MTHFD2L: variants seen among roughly 807,000 people sequenced by gnomAD.
MTHFD2L encodes methylenetetrahydrofolate dehydrogenase (NADP+ dependent) 2 like.
MTHFD2L carries 29 observed loss-of-function variants against 34.9 expected under a neutral mutation model. The ratio of observed to expected loss-of-function variants is 0.83; its 90% CI spans 0.62 to 1.13. The LOEUF is 1.13. Among genes scored for constraint, MTHFD2L ranks in the 50% most tolerant of loss-of-function variants. The probability of loss-of-function intolerance (pLI) is 0.00; values close to 1 mark genes in which losing one functional copy is unlikely to be tolerated. For synonymous variants in MTHFD2L, 167 were observed against 155.7 expected, an observed-to-expected ratio of 1.07 and a Z score of -0.54; for missense variants, 481 against 446.5, an observed-to-expected ratio of 1.08 and a Z score of -0.70.
At chr4:74,197,689 C>CT (rs1333928314) in intron 3 of MTHFD2L, among the ~76,000 whole-genome samples, 4 of 152,282 alleles carry the variant, frequency 2.6e-5, no homozygotes, top group East Asian at 1.9e-4. Context: ...GAGATTGACT[C>CT]TAACTCCTTG....
chr4:74,263,269 C>T (rs1578653692), intron 6 of MTHFD2L, among the ~76,000 whole-genome samples: 2 of 151,868 alleles, frequency 1.3e-5, no homozygotes, highest in Non-Finnish European at 1.5e-5. Flanking sequence ...AGCATGATGC[C>T]TCCAGTTTTG....
At chr4:74,128,368 T>A (rs1173328218) in intron 1 of MTHFD2L, among the ~76,000 whole-genome samples, 2 of 152,140 alleles carry the variant, frequency 1.3e-5, no homozygotes, top group African/African-American at 4.8e-5. Context: ...ATTTAAGTCT[T>A]TAATTCATTT....
At chr4:74,229,626 G>C (rs1461810482) in intron 6 of MTHFD2L, among the ~76,000 whole-genome samples, 1 of 152,120 alleles carries the variant, frequency 6.6e-6, no homozygotes, top group Non-Finnish European at 1.5e-5. Context: ...CCTGAGACAT[G>C]AATATTAGCT....
At chr4:74,150,905 T>C (rs1037582049) in intron 1 of MTHFD2L, among the ~76,000 whole-genome samples, 1 of 152,002 alleles carries the variant, frequency 6.6e-6, no homozygotes, top group Non-Finnish European at 1.5e-5. Context: ...AAGGCCATTA[T>C]ATAATGATAA....
chr4:74,173,059 C>T (rs1053727604), intron 1 of MTHFD2L, among the ~76,000 whole-genome samples: 4 of 152,162 alleles, frequency 2.6e-5, no homozygotes, highest in Non-Finnish European at 4.4e-5. Flanking sequence ...GCTTCTTACT[C>T]TTTCCCTTTT....
In MTHFD2L at chr4:74,158,194, C is replaced by G. The variant is rs1408517532; in HGVS notation, c.56C>G (p.Pro19Arg). 1.7e-5 allele frequency: 26 copies of G among 1,525,112 alleles called. No homozygotes were observed. Among genetic ancestry groups the G allele is most frequent in the Admixed American group, 2.1e-5 (1 of 48,000 alleles). 94.5% of individuals were successfully genotyped at this position (1,525,112 alleles called of 1,614,324 possible). Residue 19 changes from proline (P) to arginine (R), a missense_variant, in exon 1 of 8, where the codon CCG (proline) becomes CGG (arginine). Coordinates refer to ENST00000325278, the MANE Select transcript of MTHFD2L (RefSeq NM_001144978.3). ...SLLRGRLGRA[P>R]ALGRSTAPSV... is the part of the protein sequence containing the mutation. ...CTCCGCGGCCGCCTTGGCCGAGCGC[C>G]GGCGTTGGGCAGAAGCACAGCACCC...
intron 2 of MTHFD2L, 121 bp from the exon 3 acceptor site, chr4:74,175,160 G>GATC: frequency 4.9e-6 from 5 of 1,026,160 alleles, no homozygotes; most frequent in Non-Finnish European, 7.0e-6. Flanking sequence ...CCTTCCTGAT[G>GATC]ATGCATGGAA....
intron 1 of MTHFD2L, chr4:74,160,336 G>A (rs1251507072): frequency 5.2e-6 from 1 of 193,022 alleles, no homozygotes; most frequent in Non-Finnish European, 1.1e-5. Flanking sequence ...GCTGTGTAGG[G>A]CCTTAATTGA....
intron 1 of MTHFD2L, among the ~76,000 whole-genome samples, chr4:74,126,930 G>C (rs1207432078): frequency 6.6e-6 from 1 of 152,036 alleles, no homozygotes; most frequent in African/African-American, 2.4e-5. Flanking sequence ...GACCCGGTGG[G>C]AGGTAATTGA....
At chr4:74,133,404 C>T (rs919317492) in intron 1 of MTHFD2L, among the ~76,000 whole-genome samples, 1 of 152,130 alleles carries the variant, frequency 6.6e-6, no homozygotes, top group African/African-American at 2.4e-5. Context: ...AAGCTTTTCT[C>T]CCCTTGCTCT....
intron 6 of MTHFD2L, among the ~76,000 whole-genome samples, chr4:74,243,516 T>C (rs1182658161): frequency 6.6e-6 from 1 of 152,166 alleles, no homozygotes; most frequent in Non-Finnish European, 1.5e-5. Flanking sequence ...AAATATTTGG[T>C]TTATTTTGAT....
At chr4:74,147,826 G>A (rs924303894) in intron 1 of MTHFD2L, among the ~76,000 whole-genome samples, 2 of 152,214 alleles carry the variant, frequency 1.3e-5, no homozygotes, top group Non-Finnish European at 2.9e-5. Flanking sequence ...AAATGTCGAT[G>A]TAAGTCCTTT....
At chr4:74,267,939 G>C (rs2110238893) in intron 6 of MTHFD2L, 1 of 985,246 alleles carries the variant, frequency 1.0e-6, no homozygotes, top group East Asian at 1.1e-4. Flanking sequence ...AAGGAACCTA[G>C]CACCATCCTG....
intron 3 of MTHFD2L, among the ~76,000 whole-genome samples, chr4:74,188,607 A>G (rs1215936280): frequency 2.0e-5 from 3 of 151,964 alleles, no homozygotes; most frequent in South Asian, 2.1e-4. Context: ...AAGGATTATG[A>G]AGAGAGTAGG....
chr4:74,221,949 A>T (rs1036650382), intron 5 of MTHFD2L, among the ~76,000 whole-genome samples: 2 of 151,846 alleles, frequency 1.3e-5, no homozygotes, highest in African/African-American at 4.8e-5. Context: ...AAATGATAAA[A>T]TGTTTTTATT....
At chr4:74,200,656 A>T (rs1037784727) in intron 4 of MTHFD2L, among the ~76,000 whole-genome samples, 2 of 152,170 alleles carry the variant, frequency 1.3e-5, no homozygotes, top group African/African-American at 4.8e-5. Flanking sequence ...AGAAAGAAAA[A>T]CTTCCAAGGG....
intron 1 of MTHFD2L, among the ~76,000 whole-genome samples, chr4:74,132,567 A>G (rs1722612406): frequency 6.6e-6 from 1 of 152,276 alleles, no homozygotes; most frequent in South Asian, 2.1e-4. Context: ...GGAGGGGAAC[A>G]TCACACACCA....
chr4:74,293,481 G>A, intron 7 of MTHFD2L: 2 of 976,596 alleles, frequency 2.0e-6, no homozygotes, highest in Non-Finnish European at 2.4e-6. Context: ...TTTCATTACT[G>A]ACCACAGGAT....
chr4:74,249,796 T>G (rs1743045954), intron 6 of MTHFD2L, among the ~76,000 whole-genome samples: 1 of 152,220 alleles, frequency 6.6e-6, no homozygotes, highest in Non-Finnish European at 1.5e-5. Flanking sequence ...TTTAAGAATG[T>G]TGAATATTGG....
Sources: allele counts gnomAD v4.1 joint callset (sites outside exome capture counted in the v4.1 genomes callset), GRCh38; gene constraint gnomAD v4.1.1; transcripts MANE v1.5; gene names NCBI Gene and HGNC (gene_info 2026-07-23, HGNC 2026-07-21).